The following ANO10 variants were observed in gnomAD, a reference collection of about 807,000 sequenced individuals.
ANO10 encodes the protein anoctamin-10.
In ANO10, 77 loss-of-function variants were observed where a neutral mutation model predicts 74.7. That is an observed-to-expected ratio of 1.03 (90% confidence interval 0.86 to 1.25). The LOEUF is 1.25. Ranked by LOEUF, ANO10 falls within the 50% of genes most tolerant of loss-of-function variation. The pLI is 0.00. For synonymous variants in ANO10, 279 were observed against 284.9 expected (o/e 0.98, Z 0.21); for missense variants, 721 against 778.1 (o/e 0.93, Z 0.87).
chr3:43,504,675 C>T (rs1207212729), intron 11 of ANO10, among the ~76,000 whole-genome samples: 1 of 151,962 alleles, frequency 6.6e-6, no homozygotes, highest in African/African-American at 2.4e-5. Flanking sequence ...CAGAGTCTCA[C>T]TCTGTCACCC....
At chr3:43,536,354 A>G (rs990295222) in intron 11 of ANO10, among the ~76,000 whole-genome samples, 3 of 152,210 alleles carry the variant, frequency 2.0e-5, no homozygotes, top group East Asian at 3.8e-4. Flanking sequence ...ATGATTCTAG[A>G]AGCACATGAA....
intron 12 of ANO10, among the ~76,000 whole-genome samples, chr3:43,421,176 T>C (rs1039612795): frequency 6.6e-6 from 1 of 151,836 alleles, no homozygotes; most frequent in African/African-American, 2.4e-5. Flanking sequence ...GGAACCCAGA[T>C]TGCGCCACCA....
chr3:43,433,854 G>T (rs2093028174), intron 11 of ANO10, among the ~76,000 whole-genome samples: 1 of 152,090 alleles, frequency 6.6e-6, no homozygotes, highest in Non-Finnish European at 1.5e-5. Context: ...GACAGCATGA[G>T]TTACTAAATA....
chr3:43,629,786 C>T (rs1377830759), intron 1 of ANO10, among the ~76,000 whole-genome samples: 1 of 152,114 alleles, frequency 6.6e-6, no homozygotes, highest in Admixed American at 6.5e-5. Context: ...AGGAGCCCTG[C>T]GATGGATATT....
intron 3 of ANO10, among the ~76,000 whole-genome samples, chr3:43,598,884 A>C (rs1049285590): frequency 2.0e-5 from 3 of 152,226 alleles, no homozygotes; most frequent in Admixed American, 6.5e-5. Context: ...ATTCTACAAT[A>C]ATCATTTTAA....
intron 11 of ANO10, among the ~76,000 whole-genome samples, chr3:43,471,535 C>T (rs531709631): frequency 6.6e-6 from 1 of 152,188 alleles, no homozygotes; most frequent in East Asian, 1.9e-4. Flanking sequence ...ATGATACGCT[C>T]CCATAGGTAC....
intron 11 of ANO10, among the ~76,000 whole-genome samples, chr3:43,462,315 C>T (rs752871533): frequency 2.0e-5 from 3 of 152,130 alleles, no homozygotes; most frequent in South Asian, 2.1e-4. Context: ...CTGCAACCTC[C>T]GCCTCCCAGG....
intron 11 of ANO10, among the ~76,000 whole-genome samples, chr3:43,509,835 G>GTA (rs1029373346): frequency 6.6e-6 from 1 of 152,068 alleles, no homozygotes; most frequent in East Asian, 1.9e-4. Context: ...ACAAATTGTG[G>GTA]TATATATATA....
At chr3:43,558,326 T>C (rs2079861743) in intron 9 of ANO10, among the ~76,000 whole-genome samples, 1 of 152,158 alleles carries the variant, frequency 6.6e-6, no homozygotes, top group Non-Finnish European at 1.5e-5. Flanking sequence ...CTACTTGGAA[T>C]AGTCGTCATG....
intron 11 of ANO10, among the ~76,000 whole-genome samples, chr3:43,448,829 G>C (rs1396470916): frequency 2.0e-5 from 3 of 151,666 alleles, no homozygotes; most frequent in Non-Finnish European, 2.9e-5. Flanking sequence ...TGAGCTATTG[G>C]ATTGTTTGTT....
Position 43,386,687 on chromosome 3 carries a change from G to C in ANO10, c.1915-19713C>G, listed in dbSNP as rs535059778. On this transcript the variant is annotated intron_variant, in intron 12 of 12. Coordinates refer to ENST00000292246, the MANE Select transcript of ANO10 (RefSeq NM_018075.5). ...TGTGTGTGTGTGTGTGTGTGTGTGT[G>C]TCTCCAAATCAGCTACCTCTGGGAA... Among the ~76,000 whole-genome samples the C allele has an allele frequency of 2.0e-3, 299 of 150,946 alleles. 1 individual carries two copies. Among genetic ancestry groups the C allele is most frequent in the Non-Finnish European group, 3.0e-3 (206 of 67,588 alleles).
chr3:43,461,394 C>T (rs747189906), intron 11 of ANO10, among the ~76,000 whole-genome samples: 4 of 152,108 alleles, frequency 2.6e-5, no homozygotes, highest in Non-Finnish European at 5.9e-5. Flanking sequence ...CAGGCCCAGA[C>T]AGTTTTATTG....
At chr3:43,476,011 T>G (rs1294797208) in intron 11 of ANO10, among the ~76,000 whole-genome samples, 1 of 152,222 alleles carries the variant, frequency 6.6e-6, no homozygotes, top group East Asian at 1.9e-4. Context: ...ATTGTGGCTT[T>G]ATTTTCTTCA....
intron 12 of ANO10, among the ~76,000 whole-genome samples, chr3:43,375,574 T>C (rs2091772530): frequency 6.6e-6 from 1 of 151,866 alleles, no homozygotes; most frequent in Non-Finnish European, 1.5e-5. Context: ...GTTGGCAAAA[T>C]CACAAACGCT....
At chr3:43,424,993 C>CA (rs1457569013) in intron 12 of ANO10, among the ~76,000 whole-genome samples, 1 of 152,076 alleles carries the variant, frequency 6.6e-6, no homozygotes, top group African/African-American at 2.4e-5. Context: ...CTTGGGGCCC[C>CA]AGGAAGTAGA....
At chr3:43,611,914 T>C (rs1461700002) in intron 1 of ANO10, among the ~76,000 whole-genome samples, 1 of 151,894 alleles carries the variant, frequency 6.6e-6, no homozygotes, top group Non-Finnish European at 1.5e-5. Flanking sequence ...AAACTTGCTG[T>C]TAAAAAATAT....
At position 43,547,439 on chromosome 3, in the gene ANO10, G is replaced by A. The variant is rs545024837; in HGVS notation, c.1797+2281C>T. The stretch of plus-strand genomic sequence containing the variant: ...CTAGAAGTCCAAAATCAAGATGTTG[G>A]CAGGGCTATGATCCCCCTGAAACCT... On this transcript the variant is annotated intron_variant, in intron 11 of 12. Transcript: ENST00000292246. Among the ~76,000 whole-genome samples the A allele has an allele frequency of 9.9e-5, 15 of 152,214 alleles. No individual in the cohort carries two copies. In the East Asian group the frequency reaches 2.7e-3, roughly 27 times the overall value.
At chr3:43,598,963 A>T (rs1178934840) in intron 3 of ANO10, among the ~76,000 whole-genome samples, 1 of 152,200 alleles carries the variant, frequency 6.6e-6, no homozygotes, top group African/African-American at 2.4e-5. Context: ...AGAAAGCAGT[A>T]TGTTCTTTTA....
intron 11 of ANO10, chr3:43,485,104 T>G: frequency 3.9e-6 from 4 of 1,017,468 alleles, no homozygotes; most frequent in Non-Finnish European, 6.0e-6. Flanking sequence ...ACTTGCTGGC[T>G]GCGATCACCT....
Sources: allele counts gnomAD v4.1 joint callset (sites outside exome capture counted in the v4.1 genomes callset), GRCh38; gene constraint gnomAD v4.1.1; transcripts MANE v1.5; gene names NCBI Gene and HGNC (gene_info 2026-07-23, HGNC 2026-07-21).